The following RGS6 variants were observed in gnomAD, a reference collection of about 807,000 sequenced individuals.
RGS6 encodes the protein regulator of G-protein signaling 6.
In RGS6, 30 loss-of-function variants were observed where a neutral mutation model predicts 78.5. That is an observed-to-expected ratio of 0.38 (90% CI 0.29 to 0.52). The LOEUF is 0.52. Among genes scored for constraint, RGS6 ranks in the 20% least tolerant of loss-of-function variants. The probability of loss-of-function intolerance (pLI) is 0.85; values close to 1 mark genes in which losing one functional copy is unlikely to be tolerated. For missense variants in RGS6, 495 were observed against 609.7 expected (o/e 0.81, Z 1.98); for synonymous variants, 206 against 206.0 (o/e 1.00, Z 0.00).
intron 12 of RGS6, among the ~76,000 whole-genome samples, chr14:72,489,698 TGGAAGGAAAA>T (rs1049459478): frequency 1.3e-5 from 2 of 148,942 alleles, no homozygotes; most frequent in African/African-American, 5.1e-5. Flanking sequence ...CACCAGAAAC[TGGAAGGAAAA>T]GAAAGGAAAG....
intron 2 of RGS6, among the ~76,000 whole-genome samples, chr14:72,288,798 T>C (rs2239255): frequency 0.59 from 89,635 of 151,936 alleles, 26,776 homozygotes; most frequent in Non-Finnish European, 0.64. Flanking sequence ...GGAGGTGCGT[T>C]GGCATGATCT....
At chr14:72,212,262 A>G (rs889833524) in intron 2 of RGS6, among the ~76,000 whole-genome samples, 4 of 152,234 alleles carry the variant, frequency 2.6e-5, no homozygotes, top group Non-Finnish European at 4.4e-5. Context: ...CTTTGGGGAC[A>G]TGACAATGCT....
intron 17 of RGS6, among the ~76,000 whole-genome samples, chr14:72,561,266 G>A (rs950830979): frequency 3.3e-5 from 5 of 152,122 alleles, no homozygotes; most frequent in African/African-American, 9.7e-5. Flanking sequence ...ATGAGGAATC[G>A]CTGGCCCTTG....
intron 2 of RGS6, among the ~76,000 whole-genome samples, chr14:72,009,769 G>A (rs1302700878): frequency 6.6e-6 from 1 of 152,168 alleles, no homozygotes; most frequent in African/African-American, 2.4e-5. Flanking sequence ...CACAGCAATA[G>A]GTAACTAATT....
At chr14:72,041,663 T>G (rs2092411276) in intron 2 of RGS6, among the ~76,000 whole-genome samples, 1 of 152,222 alleles carries the variant, frequency 6.6e-6, no homozygotes, top group Non-Finnish European at 1.5e-5. Context: ...CAAAATAAAA[T>G]GACTTTTCCT....
intron 2 of RGS6, among the ~76,000 whole-genome samples, chr14:72,319,814 C>T (rs770569429): frequency 5.9e-5 from 9 of 151,950 alleles, no homozygotes; most frequent in Admixed American, 3.3e-4. Context: ...ATTTGGGTGA[C>T]GAGGAAGATC....
chr14:71,871,095 A>G, the RGS6 span, among the ~76,000 whole-genome samples: 1 of 152,200 alleles, frequency 6.6e-6, no homozygotes, highest in African/African-American at 2.4e-5. Flanking sequence ...CAGCACAGGT[A>G]GAGCTTCTGG....
At chr14:72,554,222 G>T (rs1336186765) in intron 17 of RGS6, among the ~76,000 whole-genome samples, 1 of 152,250 alleles carries the variant, frequency 6.6e-6, no homozygotes, top group East Asian at 1.9e-4. Flanking sequence ...CGCCTTTTCA[G>T]CTGGCTAAAC....
intron 3 of RGS6, among the ~76,000 whole-genome samples, chr14:72,439,053 T>C (rs999719246): frequency 6.6e-6 from 1 of 152,216 alleles, no homozygotes; most frequent in Admixed American, 6.5e-5. Context: ...TCCTGAGTTC[T>C]TTATTCTCAA....
At chr14:72,046,287 A>T (rs1224131158) in intron 2 of RGS6, among the ~76,000 whole-genome samples, 1 of 150,456 alleles carries the variant, frequency 6.6e-6, no homozygotes, top group African/African-American at 2.4e-5. Context: ...ACACATACAC[A>T]CACCTCTCAT....
chr14:72,578,440 A>T, the RGS6 span, among the ~76,000 whole-genome samples: 3 of 152,164 alleles, frequency 2.0e-5, no homozygotes, highest in African/African-American at 7.2e-5. Context: ...TGAGGTCCAG[A>T]ACTTGACCTT....
At chr14:72,292,448 G>A (rs2063772930) in intron 2 of RGS6, among the ~76,000 whole-genome samples, 1 of 152,182 alleles carries the variant, frequency 6.6e-6, no homozygotes, top group Non-Finnish European at 1.5e-5. Flanking sequence ...AATTAAAAAC[G>A]GCTGAGAAAT....
chr14:71,951,009 A>G lies in RGS6; in HGVS notation c.-20-13763A>G, dbSNP rs1456679009. ...TGGAAGACAGTGTGGTGATTCCTCA[A>G]AGACCTAGAGGCAGAAATACCATTT... On this transcript the variant is annotated intron_variant, in intron 1 of 17. Transcript: ENST00000553525. 2.6e-5 allele frequency among the ~76,000 whole-genome samples: 4 copies of G among 152,154 alleles called. No homozygotes were observed. The East Asian group carries it at 7.7e-4, about 29-fold the overall frequency.
In RGS6 at chr14:72,411,137, T is replaced by C. The variant is rs563296733; in HGVS notation, c.185-43391T>C. On this transcript the variant is annotated intron_variant, in intron 3 of 17. Transcript: ENST00000553525. ...CATTGGTAGCTTGATGGGGTTGGCA[T>C]TGAATCTATAAATCACCTTGGGCGG... Among the ~76,000 whole-genome samples, 4 of 152,372 alleles carry C rather than the reference T, an allele frequency of 2.6e-5. No homozygotes were observed. In the East Asian group the frequency reaches 7.7e-4, roughly 29 times the overall value.
intron 2 of RGS6, among the ~76,000 whole-genome samples, chr14:72,270,280 A>G (rs751988196): frequency 7.6e-6 from 1 of 132,442 alleles, no homozygotes; most frequent in Admixed American, 7.7e-5. Context: ...TGCCCACAGT[A>G]TTGGTCTGCA....
At chr14:71,909,738 G>A in the RGS6 span, among the ~76,000 whole-genome samples, 1 of 152,126 alleles carries the variant, frequency 6.6e-6, no homozygotes, top group African/African-American at 2.4e-5. Flanking sequence ...AGCTCACTCA[G>A]GCACTGGGGA....
At position 71,976,947 on chromosome 14, in the gene RGS6, T is replaced by C. The variant is rs1393834205; in HGVS notation, c.84+12072T>C. 3.8e-3 allele frequency among the ~76,000 whole-genome samples: 491 copies of C among 129,686 alleles called. 2 individuals carry two copies. Among genetic ancestry groups the C allele is most frequent in the African/African-American group, 0.013 (470 of 36,286 alleles). 85.1% of individuals were successfully genotyped at this position (129,686 alleles called of 152,430 possible). A position where few individuals can be genotyped will look rare whatever the true frequency, so the allele number is the denominator to read the frequency against. ...TGTTGTTTCCTGACTTTTTAATGAT[T>C]GCCATTCTAACTGGTGTGAGATGGT... is the stretch of plus-strand genomic sequence containing the variant. On this transcript the variant is annotated intron_variant, in intron 2 of 17. Transcript: ENST00000553525.
At chr14:72,567,767 A>G (rs2097715333), downstream of RGS6, among the ~76,000 whole-genome samples, 1 of 152,156 alleles carries the variant, frequency 6.6e-6, no homozygotes, top group Non-Finnish European at 1.5e-5. Flanking sequence ...GTTCTCTGAG[A>G]GGCATATCCC....
chr14:72,460,972 G>A (rs931264009), intron 6 of RGS6, among the ~76,000 whole-genome samples: 13 of 152,174 alleles, frequency 8.5e-5, no homozygotes, highest in South Asian at 2.1e-4. Context: ...TGTGGAGGAC[G>A]TCAGTCATGC....
Sources: gnomAD v4.1 joint callset for allele counts (sites outside exome capture counted in the v4.1 genomes callset) on GRCh38, gnomAD v4.1.1 for gene constraint, MANE v1.5 for transcripts, NCBI Gene and HGNC (gene_info 2026-07-23, HGNC 2026-07-21) for gene names.